The following ABCA9 variants were observed in gnomAD, a reference collection of about 807,000 sequenced individuals.
ABCA9 encodes ATP binding cassette subfamily A member 9, also known as ATP-binding cassette sub-family A member 9.
ABCA9 carries 183 observed loss-of-function variants against 205.3 expected under a neutral mutation model. The ratio of observed to expected loss-of-function variants is 0.89; its 90% CI spans 0.79 to 1.01. The LOEUF is 1.01. ABCA9 is among the 50% of genes least tolerant of loss of function. The pLI is 0.00. For missense variants in ABCA9, 1,805 were observed against 1,912.4 expected (o/e 0.94, Z 1.05); for synonymous variants, 651 against 683.3 (o/e 0.95, Z 0.74).
chr17:69,050,668 T>A (rs887940401), intron 2 of ABCA9, among the ~76,000 whole-genome samples: 13 of 152,176 alleles, frequency 8.5e-5, no homozygotes, highest in Admixed American at 4.6e-4. Flanking sequence ...GATTCCCTGC[T>A]TCTTTTTTAC....
rs767495555 is a variant in ABCA9 at position 69,045,227 on chromosome 17, C to G, written c.414G>C (p.Leu138Phe). 1.2e-6 allele frequency: 2 copies of G among 1,613,026 alleles called. No individual in the cohort carries two copies. The highest frequency in any genetic ancestry group is 8.5e-7 in the Non-Finnish European group (1 of 1,179,546). ...VIFTDTFSYH[L>F]KFSWGHRIPM... is the part of the protein sequence containing the mutation. ...GGATTCTATGTCCCCAAGAAAACTT[C>G]AAATGGTAGGAGAAGGTATCAGTAA... Residue 138 changes from leucine (L) to phenylalanine (F), a missense_variant, in exon 4 of 39, where the codon TTG becomes TTC. By Grantham distance (22) the Leu-to-Phe change is conservative. Coordinates refer to ENST00000340001, the MANE Select transcript of ABCA9 (RefSeq NM_080283.4).
At chr17:69,061,694 C>A (rs80291699), upstream of ABCA9, among the ~76,000 whole-genome samples, 1 of 152,328 alleles carries the variant, frequency 6.6e-6, no homozygotes, top group Admixed American at 6.5e-5. Flanking sequence ...GTATGTCCTG[C>A]TTTCCAGTAT....
At position 69,020,399 on chromosome 17, in the gene ABCA9, G is replaced by T. The variant is rs1459621909; in HGVS notation, c.2589C>A (p.Ser863Arg). 2.5e-6 allele frequency: 4 copies of T among 1,613,028 alleles called. No homozygotes were observed. The highest frequency in any genetic ancestry group is 2.5e-6 in the Non-Finnish European group (3 of 1,179,622). Reference sequence around the variant, plus strand: ...ACTCAGATACTCACATAGTCCACAGGCTTTTTCTTTCTTTCTTTAACTTTA... The same window carrying T: ...ACTCAGATACTCACATAGTCCACAGTCTTTTTCTTTCTTTCTTTAACTTTA... ...RFLKLKKERK[S>R]LWTILLLFGI... The change falls in exon 19 of 39, where the codon AGC becomes AGA. Residue 863 changes from serine (S) to arginine (R), a missense_variant. Physicochemically the swap from Ser to Arg is moderately radical, Grantham distance 110. Coordinates refer to ENST00000340001, the MANE Select transcript of ABCA9 (RefSeq NM_080283.4).
At chr17:68,977,407 G>A (rs1411161663) in intron 37 of ABCA9, among the ~76,000 whole-genome samples, 1 of 152,176 alleles carries the variant, frequency 6.6e-6, no homozygotes, top group African/African-American at 2.4e-5. Flanking sequence ...ATCAGATCAA[G>A]CTCTGATGCA....
intron 25 of ABCA9, among the ~76,000 whole-genome samples, chr17:69,000,808 G>A (rs556952633): frequency 4.5e-5 from 6 of 132,318 alleles, no homozygotes; most frequent in Admixed American, 2.1e-4. Context: ...TTGAGCAGTG[G>A]TTTGTAGTTC....
upstream of ABCA9, among the ~76,000 whole-genome samples, chr17:69,065,056 G>GT (rs761408376): frequency 1.3e-5 from 2 of 152,220 alleles, no homozygotes; most frequent in South Asian, 2.1e-4. Context: ...TAAGTTTGAG[G>GT]TTTTTTTGTT....
chr17:69,001,204 C>T (rs1325009632), intron 25 of ABCA9, among the ~76,000 whole-genome samples: 1 of 151,874 alleles, frequency 6.6e-6, no homozygotes, highest in Non-Finnish European at 1.5e-5. Flanking sequence ...TGCCAGTTTT[C>T]AAAGGGAATG....
intron 1 of ABCA9, among the ~76,000 whole-genome samples, chr17:69,059,104 G>A (rs117214115): frequency 1.5e-3 from 224 of 152,200 alleles, no homozygotes; most frequent in Non-Finnish European, 2.3e-3. Context: ...CTCCTCCTGC[G>A]TCCCTCCCAT....
intron 1 of ABCA9, among the ~76,000 whole-genome samples, chr17:69,060,413 T>C (rs2072204491): frequency 6.6e-6 from 1 of 152,206 alleles, no homozygotes; most frequent in Admixed American, 6.5e-5. Context: ...ATAAAAATCT[T>C]TCCTTAAGTT....
Position 69,035,730 on chromosome 17 carries a change from G to C in ABCA9, c.872C>G (p.Ser291Cys), listed in dbSNP as rs1248796660. The C allele has an allele frequency of 1.2e-6, 2 of 1,613,670 alleles. No individual in the cohort carries two copies. ...MATLMALIVKSAQIVVLTGFV... is the reference protein window; with the variant it reads ...MATLMALIVKCAQIVVLTGFV... ...ACCAGTCAGGACGACAATTTGTGCA[G>C]ATTTTACAATAAGAGCCATTAAAGT... The change falls in exon 7 of 39, where the codon TCT (serine) becomes TGT (cysteine). Residue 291 changes from serine to cysteine, a missense_variant. Coordinates refer to ENST00000340001, the MANE Select transcript of ABCA9 (RefSeq NM_080283.4).
intron 25 of ABCA9, among the ~76,000 whole-genome samples, chr17:69,007,545 GA>G (rs2070191295): frequency 6.6e-6 from 1 of 152,206 alleles, no homozygotes. Context: ...ACTCAGGGGA[GA>G]AGTTAGACCT....
intron 6 of ABCA9, among the ~76,000 whole-genome samples, chr17:69,041,773 T>A (rs2071552981): frequency 9.5e-6 from 1 of 104,956 alleles, no homozygotes; most frequent in South Asian, 3.2e-4. Context: ...TGACCAAATT[T>A]TTTTAGTACT....
At position 69,035,292 on chromosome 17, in the gene ABCA9, G is replaced by A. The variant is rs773626910; in HGVS notation, c.1082C>T (p.Thr361Ile). Residue 361 changes from threonine to isoleucine, a missense_variant, in exon 8 of 39, where the codon ACT becomes ATT. By Grantham distance (89) the Thr-to-Ile change is moderately conservative (BLOSUM62 -1). Coordinates refer to ENST00000340001, the MANE Select transcript of ABCA9 (RefSeq NM_080283.4). ...YTRLPAFLEW[T>I]LCLLSPFAFT... ...GGCAAAGGGGCTAAGAAGACACAAAGTCCATTCCAAAAATGCAGGAAGACG... is the reference window on the plus strand; with the variant it reads ...GGCAAAGGGGCTAAGAAGACACAAAATCCATTCCAAAAATGCAGGAAGACG... 4.4e-6 allele frequency: 7 copies of A among 1,606,152 alleles called. No individual in the cohort carries two copies. The African/African-American group carries it at 9.4e-5, about 22-fold the overall frequency.
At chr17:68,995,813 C>CT in intron 26 of ABCA9, 82 bp downstream of exon 26, 92 of 1,541,386 alleles carry the variant, frequency 6.0e-5, no homozygotes, top group Non-Finnish European at 8.1e-5. Flanking sequence ...GCTGAGGACT[C>CT]TATCTATATT....
rs751125095 is a variant in ABCA9, at chr17:69,017,754, G to C, written c.2803C>G (p.Arg935Gly). The C allele has an allele frequency of 6.2e-7, 1 of 1,613,230 alleles. No homozygotes were observed. Among genetic ancestry groups the C allele is most frequent in the Non-Finnish European group, 8.5e-7 (1 of 1,179,386 alleles). ...TIDNFLHSLR[R>G]QNIAIEVDAF... is the part of the protein sequence containing the mutation. The stretch of plus-strand genomic sequence containing the variant: ...TCCACTTCTATAGCTATGTTCTGTC[G>C]CCTCAGTGAATGTAAAAAGTTATCA... Residue 935 changes from arginine (R) to glycine (G), a missense_variant, in exon 21 of 39, where the codon CGA (arginine) becomes GGA (glycine). Arg to Gly is a moderately radical substitution (Grantham distance 125). Coordinates refer to ENST00000340001, the MANE Select transcript of ABCA9 (RefSeq NM_080283.4).
intron 31 of ABCA9, among the ~76,000 whole-genome samples, chr17:68,987,631 G>A (rs992632562): frequency 3.9e-5 from 6 of 152,260 alleles, no homozygotes; most frequent in African/African-American, 7.2e-5. Context: ...GTGAGCAGGC[G>A]GTCAACAGAC....
chr17:68,987,405 C>T (rs946842962), intron 31 of ABCA9, among the ~76,000 whole-genome samples: 2 of 152,210 alleles, frequency 1.3e-5, no homozygotes, highest in African/African-American at 4.8e-5. Flanking sequence ...TTTATAACCT[C>T]TGCCTTGTGC....
chr17:69,049,280 T>G lies in ABCA9; in HGVS notation c.304+3A>C. On this transcript the variant is annotated splice_donor_region_variant and intron_variant, in intron 3 of 38. Coordinates refer to ENST00000340001, the MANE Select transcript of ABCA9 (RefSeq NM_080283.4). ...AATTACTATGAACAACCAGGGAACA[T>G]ACCTTTTAGGAATGGGGCTGAAGCC... is the stretch of plus-strand genomic sequence containing the variant. 1 of 1,607,052 alleles carries G rather than the reference T, an allele frequency of 6.2e-7. No homozygotes were observed. Among genetic ancestry groups the G allele is most frequent in the East Asian group, 2.2e-5 (1 of 44,746 alleles).
chr17:69,037,058 C>T (rs2071367605), intron 6 of ABCA9, among the ~76,000 whole-genome samples: 1 of 151,924 alleles, frequency 6.6e-6, no homozygotes, highest in South Asian at 2.1e-4. Flanking sequence ...CACCCAGATT[C>T]ATAAAGCAAG....
Sources: gnomAD v4.1 joint callset for allele counts (sites outside exome capture counted in the v4.1 genomes callset) on GRCh38, gnomAD v4.1.1 for gene constraint, MANE v1.5 for transcripts, NCBI Gene and HGNC (gene_info 2026-07-23, HGNC 2026-07-21) for gene names.